PRKDC: variants seen among roughly 807,000 people sequenced by gnomAD.
PRKDC encodes protein kinase, DNA-activated, catalytic subunit.
In PRKDC, 82 loss-of-function variants were observed where a neutral mutation model predicts 486.9. The observed-to-expected ratio is 0.17, with a 90% confidence interval of 0.14 to 0.20. PRKDC has a LOEUF of 0.20. Ranked by LOEUF, PRKDC falls within the 10% of genes least tolerant of loss-of-function variation. The pLI, the probability that PRKDC is intolerant of heterozygous loss-of-function variation, is 1.00. For missense variants in PRKDC, 4,504 were observed against 5,038.2 expected (o/e 0.89, Z 3.21); for synonymous variants, 1,895 against 1,837.0 (o/e 1.03, Z -0.81).
chr8:47,929,874 G>T lies in PRKDC; in HGVS notation c.2031C>A (p.Ala677=). The T allele has an allele frequency of 6.3e-7, 1 of 1,595,492 alleles. No homozygotes were observed. Among genetic ancestry groups the T allele is most frequent in the Non-Finnish European group, 8.5e-7 (1 of 1,175,512 alleles). Residue 677 remains alanine (A), a synonymous_variant, in exon 18 of 86, where the codon GCC becomes GCA. Coordinates refer to ENST00000314191, the MANE Select transcript of PRKDC (RefSeq NM_006904.7). ...YKLLSITVRN[A]KKIKYFEGVS... is the part of the protein sequence containing the mutation. Reference sequence around the variant, plus strand: ...TCACCTCGAAATATTTTATTTTCTTGGCATTTCTTACTGTAATAGAAAGCA... The same window carrying T: ...TCACCTCGAAATATTTTATTTTCTTTGCATTTCTTACTGTAATAGAAAGCA...
chr8:47,807,063 A>G, intron 69 of PRKDC, 74 bp downstream of exon 69: 1 of 1,443,550 alleles, frequency 6.9e-7, no homozygotes, highest in Non-Finnish European at 9.3e-7. Context: ...ACTCTAAAGA[A>G]AAGCTAAAAT....
chr8:47,902,050 C>T (rs558628584), intron 27 of PRKDC, among the ~76,000 whole-genome samples: 18 of 152,264 alleles, frequency 1.2e-4, no homozygotes, highest in Admixed American at 1.1e-3. Context: ...CTGTCACTAG[C>T]GGTGACCTAC....
In PRKDC at chr8:47,889,896, CAT is replaced by C. The variant is rs564423353; in HGVS notation, c.4071+359_4071+360del. On this transcript the variant is annotated intron_variant, in intron 32 of 85. Transcript: ENST00000314191. Reference sequence around the variant, plus strand: ...AAAGTTCCCATCAGAAAAAATGTTACATATATGAGGTAACAGATACGTTAATT... The same window carrying C: ...AAAGTTCCCATCAGAAAAAATGTTACATATGAGGTAACAGATACGTTAATT... Among the ~76,000 whole-genome samples the C allele has an allele frequency of 3.5e-3, 539 of 152,172 alleles. 2 individuals carry two copies. The highest frequency in any genetic ancestry group is 0.012 in the African/African-American group (507 of 41,516).
chr8:47,854,467 C>T (rs1563768277), intron 50 of PRKDC, among the ~76,000 whole-genome samples: 1 of 151,988 alleles, frequency 6.6e-6, no homozygotes, highest in South Asian at 2.1e-4. Flanking sequence ...GCCTCCCAAG[C>T]AGCTGGGACT....
intron 11 of PRKDC, among the ~76,000 whole-genome samples, chr8:47,938,281 G>A (rs2090387610): frequency 6.6e-6 from 1 of 151,498 alleles, no homozygotes; most frequent in Non-Finnish European, 1.5e-5. Context: ...GTGTGGTGGA[G>A]CATGCCTGTA....
chr8:47,949,085 A>G (rs996671726), intron 7 of PRKDC, among the ~76,000 whole-genome samples: 18 of 152,180 alleles, frequency 1.2e-4, no homozygotes, highest in African/African-American at 4.3e-4. Context: ...TCACTTCTCC[A>G]GCCTCCAGAG....
At chr8:47,832,318 C>G (rs952986992) in intron 59 of PRKDC, among the ~76,000 whole-genome samples, 1 of 152,216 alleles carries the variant, frequency 6.6e-6, no homozygotes, top group African/African-American at 2.4e-5. Flanking sequence ...CGCAACACTC[C>G]TAACCCGTAT....
At chr8:47,888,925 G>T in intron 33 of PRKDC, 89 bp downstream of exon 33, 1 of 1,345,672 alleles carries the variant, frequency 7.4e-7, no homozygotes, top group Non-Finnish European at 1.0e-6. Context: ...CCTTCCCTGA[G>T]GAAGCAGGAG....
chr8:47,940,882 G>A (rs1399569735), intron 10 of PRKDC, among the ~76,000 whole-genome samples: 1 of 152,088 alleles, frequency 6.6e-6, no homozygotes, highest in Non-Finnish European at 1.5e-5. Flanking sequence ...AGTAGCTCAC[G>A]CCTGTCATCC....
chr8:47,798,021 G>C (rs138354856), intron 73 of PRKDC, among the ~76,000 whole-genome samples: 5 of 152,316 alleles, frequency 3.3e-5, no homozygotes, highest in Admixed American at 2.0e-4. Flanking sequence ...TTCAGACACA[G>C]TGTTTTTATC....
chr8:47,921,343 G>A (rs1389286042), intron 21 of PRKDC, among the ~76,000 whole-genome samples: 1 of 152,116 alleles, frequency 6.6e-6, no homozygotes, highest in Non-Finnish European at 1.5e-5. Context: ...TATTTCCCAA[G>A]TAATTACGTT....
rs757396169 is a variant in PRKDC, at chr8:47,939,661, T to C, written c.1003A>G (p.Lys335Glu). The C allele has an allele frequency of 2.5e-5, 40 of 1,607,568 alleles. No homozygotes were observed. Among genetic ancestry groups the C allele is most frequent in the Non-Finnish European group, 3.1e-5 (37 of 1,177,690 alleles). The change falls in exon 11 of 86, where the codon AAA becomes GAA. Residue 335 changes from lysine to glutamate, a missense_variant. By Grantham distance (56) the Lys-to-Glu change is moderately conservative. Coordinates refer to ENST00000314191, the MANE Select transcript of PRKDC (RefSeq NM_006904.7). ...TCCATAAAGTACTGCAGTTTATTTTTATGCATTTCTGCATTTTTCGCCACC... is the reference window on the plus strand; with the variant it reads ...TCCATAAAGTACTGCAGTTTATTTTCATGCATTTCTGCATTTTTCGCCACC... ...NMVAKNAEMH[K>E]NKLQYFMEQF...
At chr8:47,948,889 T>C (rs955062780) in intron 7 of PRKDC, among the ~76,000 whole-genome samples, 3 of 152,254 alleles carry the variant, frequency 2.0e-5, no homozygotes, top group Non-Finnish European at 4.4e-5. Context: ...TTGCCATTTG[T>C]TAGCTATATT....
rs539525090 is a variant in PRKDC at position 47,955,289 on chromosome 8, C to A, written c.399+585G>T. On this transcript the variant is annotated intron_variant, in intron 4 of 85. Coordinates refer to ENST00000314191, the MANE Select transcript of PRKDC (RefSeq NM_006904.7). ...CATCCCGGCTAAAACGGTGAAACCT[C>A]GTCTCTACTAAAAATACAAAAAATT... is the stretch of plus-strand genomic sequence containing the variant. 2.0e-3 allele frequency among the ~76,000 whole-genome samples: 302 copies of A among 151,052 alleles called. 2 individuals are homozygous for A. The highest frequency in any genetic ancestry group is 7.2e-3 in the African/African-American group (296 of 41,202).
chr8:47,931,623 T>C (rs914457377), intron 16 of PRKDC, among the ~76,000 whole-genome samples: 1 of 152,146 alleles, frequency 6.6e-6, no homozygotes, highest in African/African-American at 2.4e-5. Flanking sequence ...ATAAAGCTGA[T>C]GTGACCACCG....
At chr8:47,813,263 G>A (rs1488924901) in intron 68 of PRKDC, among the ~76,000 whole-genome samples, 1 of 151,718 alleles carries the variant, frequency 6.6e-6, no homozygotes, top group Non-Finnish European at 1.5e-5. Context: ...GACTACAGGT[G>A]CCCACCACCA....
chr8:47,812,885 G>A (rs551449230), intron 68 of PRKDC, among the ~76,000 whole-genome samples: 2 of 151,776 alleles, frequency 1.3e-5, no homozygotes, highest in South Asian at 2.1e-4. Context: ...ACCAATATCT[G>A]GAATGAAAAA....
intron 11 of PRKDC, among the ~76,000 whole-genome samples, chr8:47,936,781 T>TA (rs2090359574): frequency 6.8e-6 from 1 of 147,488 alleles, no homozygotes; most frequent in Admixed American, 6.7e-5. Context: ...CACGCCTGGC[T>TA]ATTTTTTTTT....
At chr8:47,872,410 G>T (rs896500775) in intron 40 of PRKDC, among the ~76,000 whole-genome samples, 17 of 151,018 alleles carry the variant, frequency 1.1e-4, no homozygotes, top group Admixed American at 8.6e-4. Flanking sequence ...AATAACAAAT[G>T]GTAGAAGTCC....
Sources: allele counts gnomAD v4.1 joint callset (sites outside exome capture counted in the v4.1 genomes callset), GRCh38; gene constraint gnomAD v4.1.1; transcripts MANE v1.5; gene names NCBI Gene and HGNC (gene_info 2026-07-23, HGNC 2026-07-21).